Variants in MAN2A1 observed in about 807,000 individuals in gnomAD.
The protein encoded by MAN2A1 is alpha-mannosidase 2.
Under a neutral mutation model 142.6 loss-of-function variants are expected in MAN2A1, and 76 were observed. That is an observed-to-expected ratio of 0.53 (90% CI 0.44 to 0.65). The LOEUF (loss-of-function observed/expected upper bound fraction) is 0.65. MAN2A1 is among the 30% of genes least tolerant of loss of function. The pLI is 0.00. For missense variants in MAN2A1, 1,311 were observed against 1,365.1 expected (o/e 0.96, Z 0.62); for synonymous variants, 559 against 473.2 (o/e 1.18, Z -2.35).
In MAN2A1 at chr5:109,735,065, G is replaced by C. The variant is rs181212670; in HGVS notation, c.707+5552G>C. Among the ~76,000 whole-genome samples the C allele has an allele frequency of 1.5e-4, 23 of 152,256 alleles. No homozygotes were observed. The East Asian group carries it at 4.2e-3, about 28-fold the overall frequency. On this transcript the variant is annotated intron_variant, in intron 4 of 21. Transcript: ENST00000261483. Reference sequence around the variant, plus strand: ...GTGAAACTGGGTGCTCCTGTATTGGGTGCATGTATATTTAGGATAGTTAGC... The same window carrying C: ...GTGAAACTGGGTGCTCCTGTATTGGCTGCATGTATATTTAGGATAGTTAGC...
intron 19 of MAN2A1, among the ~76,000 whole-genome samples, chr5:109,850,273 GTATT>G (rs2112767764): frequency 6.6e-6 from 1 of 152,212 alleles, no homozygotes; most frequent in South Asian, 2.1e-4. Context: ...TTTTGCCACT[GTATT>G]TATTGCAATT....
chr5:109,809,063 T>A (rs183726902), intron 12 of MAN2A1, among the ~76,000 whole-genome samples: 3 of 152,234 alleles, frequency 2.0e-5, no homozygotes, highest in Admixed American at 2.0e-4. Flanking sequence ...TATTTCTAAG[T>A]TATAGTTTTT....
intron 18 of MAN2A1, among the ~76,000 whole-genome samples, chr5:109,847,329 C>T (rs1020155552): frequency 6.6e-6 from 1 of 152,068 alleles, no homozygotes; most frequent in Non-Finnish European, 1.5e-5. Flanking sequence ...TTTCGGAGAA[C>T]TTAATTTACT....
chr5:109,786,569 A>T (rs1753600891), intron 10 of MAN2A1, among the ~76,000 whole-genome samples: 1 of 152,132 alleles, frequency 6.6e-6, no homozygotes, highest in African/African-American at 2.4e-5. Flanking sequence ...GTAAGTCTCA[A>T]ACTGTACTTG....
chr5:109,729,163 G>A (rs1751829314), intron 3 of MAN2A1, among the ~76,000 whole-genome samples, 179 bp from the exon 4 acceptor site: 1 of 151,944 alleles, frequency 6.6e-6, no homozygotes, highest in South Asian at 2.1e-4. Flanking sequence ...ATATTAGTGG[G>A]TTTCTGAGTC....
At position 109,865,006 on chromosome 5, in the gene MAN2A1, G is replaced by A. The variant is rs145671766; in HGVS notation, c.3172-30G>A. Reference sequence around the variant, plus strand: ...CATAAATATTTGCTTTATTGTCTGCGCGGTGTGACTGCATTCTGCTCATTT... The same window carrying A: ...CATAAATATTTGCTTTATTGTCTGCACGGTGTGACTGCATTCTGCTCATTT... On this transcript the variant is annotated intron_variant, in intron 20 of 21. Coordinates refer to ENST00000261483, the MANE Select transcript of MAN2A1 (RefSeq NM_002372.4). 589 of 1,419,900 alleles carry A rather than the reference G, an allele frequency of 4.1e-4. 5 individuals are homozygous for A. Among genetic ancestry groups the A allele is most frequent in the Middle Eastern group, 1.9e-3 (11 of 5,706 alleles). The allele number at this position is 1,419,900 out of a possible 1,614,324, so 88.0% of individuals were successfully genotyped here.
intron 9 of MAN2A1, among the ~76,000 whole-genome samples, chr5:109,782,576 C>T (rs1753489792): frequency 6.6e-6 from 1 of 152,080 alleles, no homozygotes; most frequent in Non-Finnish European, 1.5e-5. Context: ...TTAGATTGTA[C>T]TTACCGTCTT....
At chr5:109,698,707 G>A (rs936691495) in intron 1 of MAN2A1, among the ~76,000 whole-genome samples, 2 of 152,198 alleles carry the variant, frequency 1.3e-5, no homozygotes, top group South Asian at 2.1e-4. Flanking sequence ...CTATGTTCTT[G>A]CTGGTGCACT....
chr5:109,793,333 G>A (rs1336385746), intron 12 of MAN2A1, among the ~76,000 whole-genome samples: 1 of 152,108 alleles, frequency 6.6e-6, no homozygotes, highest in East Asian at 1.9e-4. Flanking sequence ...ACAGTAGATT[G>A]TAAACTCCTT....
At chr5:109,746,249 A>G (rs1752401096) in intron 4 of MAN2A1, among the ~76,000 whole-genome samples, 1 of 152,218 alleles carries the variant, frequency 6.6e-6, no homozygotes, top group South Asian at 2.1e-4. Context: ...TGCTGAGATT[A>G]CAGATGTGAA....
chr5:109,859,169 T>G (rs1050471889), intron 20 of MAN2A1, among the ~76,000 whole-genome samples: 3 of 152,170 alleles, frequency 2.0e-5, no homozygotes, highest in Admixed American at 2.0e-4. Context: ...AATCACCCAG[T>G]GGTAAATGGC....
intron 1 of MAN2A1, among the ~76,000 whole-genome samples, chr5:109,705,195 C>G (rs957423872): frequency 6.6e-6 from 1 of 152,090 alleles, no homozygotes. Context: ...CATGTTCCTT[C>G]CCTTCCTGTC....
chr5:109,855,378 G>A, intron 20 of MAN2A1, 44 bp downstream of exon 20: 2 of 1,289,256 alleles, frequency 1.6e-6, no homozygotes, highest in Non-Finnish European at 1.0e-6. Flanking sequence ...TGTTTATTAT[G>A]TACTTGTTTT....
chr5:109,750,145 T>G (rs1752507209), intron 4 of MAN2A1, among the ~76,000 whole-genome samples: 1 of 152,090 alleles, frequency 6.6e-6, no homozygotes, highest in African/African-American at 2.4e-5. Context: ...TTCTCAGTAA[T>G]TAGGTTGACA....
At chr5:109,789,371 C>G (rs2112212) in intron 11 of MAN2A1, 89 bp from the exon 12 acceptor site, 529,240 of 765,284 alleles carry the variant, frequency 0.69, 186,562 homozygotes, top group East Asian at 0.95. Context: ...ATCTGTTCCT[C>G]CTAAACTTGA....
chr5:109,747,918 C>G (rs1398937143), intron 4 of MAN2A1, among the ~76,000 whole-genome samples: 1 of 152,158 alleles, frequency 6.6e-6, no homozygotes, highest in Admixed American at 6.5e-5. Context: ...ACATCCTTAT[C>G]AACACTTATT....
chr5:109,864,920 C>A, intron 20 of MAN2A1, 116 bp from the exon 21 acceptor site: 1 of 738,186 alleles, frequency 1.4e-6, no homozygotes, highest in Non-Finnish European at 2.4e-6. Flanking sequence ...ATTTGCCTAA[C>A]TTTCTTGCTA....
Position 109,842,336 on chromosome 5 carries a change from G to A in MAN2A1, c.2575G>A (p.Gly859Arg). Reference protein sequence around the residue: ...VRLYHIQGIEGQSVEVSNIVD... With the variant: ...VRLYHIQGIERQSVEVSNIVD... ...TATTTTTTTAAATTTAGGAATAGAA[G>A]GACAGTCTGTGGAAGTTTCCAATAT... is the stretch of plus-strand genomic sequence containing the variant. Residue 859 changes from glycine to arginine, a missense_variant, in exon 17 of 22, where the codon GGA becomes AGA. This residue lies in a region of MAN2A1 where 890 missense variants were observed against 920.5 expected (regional missense o/e 0.97). Transcript: ENST00000261483. The A allele has an allele frequency of 1.3e-6, 2 of 1,549,772 alleles. No individual in the cohort carries two copies. The highest frequency in any genetic ancestry group is 1.8e-6 in the Non-Finnish European group (2 of 1,141,420).
intron 16 of MAN2A1, among the ~76,000 whole-genome samples, chr5:109,826,191 C>T (rs1384637077): frequency 1.3e-5 from 2 of 152,026 alleles, no homozygotes; most frequent in Non-Finnish European, 2.9e-5. Flanking sequence ...TAGGCATGAG[C>T]CACTGCACCT....
Sources: gnomAD v4.1 joint callset for allele counts (sites outside exome capture counted in the v4.1 genomes callset) on GRCh38, gnomAD v4.1.1 for gene constraint, gnomAD v4.1.1 regional missense constraint, MANE v1.5 for transcripts, NCBI Gene and HGNC (gene_info 2026-07-23, HGNC 2026-07-21) for gene names.